LAMA2: variants seen among roughly 807,000 people sequenced by gnomAD.
LAMA2 encodes laminin subunit alpha-2.
A neutral mutation model predicts 364.8 loss-of-function variants in LAMA2; 269 were observed. The observed-to-expected ratio is 0.74, with a 90% CI of 0.67 to 0.82. The LOEUF is 0.82. LAMA2 is among the 40% of genes least tolerant of loss of function. The pLI is 0.00. For synonymous variants in LAMA2, 1,379 were observed against 1,370.6 expected (o/e 1.01, Z -0.14); for missense variants, 3,807 against 3,873.2 (o/e 0.98, Z 0.45).
chr6:129,043,982 G>A (rs1053852764), intron 1 of LAMA2, among the ~76,000 whole-genome samples: 4 of 152,080 alleles, frequency 2.6e-5, no homozygotes. Context: ...CCCTTTCTGT[G>A]GACCTCTCTT....
At chr6:129,388,812 C>T (rs1483425870) in intron 35 of LAMA2, among the ~76,000 whole-genome samples, 1 of 152,148 alleles carries the variant, frequency 6.6e-6, no homozygotes, top group Non-Finnish European at 1.5e-5. Context: ...TCAGTAGTTA[C>T]TTACATGCTA....
intron 20 of LAMA2, chr6:129,292,854 G>A (rs947692251): frequency 5.1e-6 from 5 of 985,784 alleles, no homozygotes; most frequent in Non-Finnish European, 4.8e-6. Context: ...ATGTGACTGC[G>A]ATCCCGTTGG....
intron 26 of LAMA2, 28 bp downstream of exon 26, chr6:129,315,978 G>T: frequency 1.2e-6 from 2 of 1,613,072 alleles, no homozygotes; most frequent in Non-Finnish European, 1.7e-6. Context: ...TTGGTGCAAA[G>T]ATACCAATCA....
At chr6:129,343,113 C>A (rs1776359283) in intron 30 of LAMA2, among the ~76,000 whole-genome samples, 1 of 152,024 alleles carries the variant, frequency 6.6e-6, no homozygotes, top group Non-Finnish European at 1.5e-5. Flanking sequence ...TTGATGAAAA[C>A]CCTAGGTGTT....
At chr6:129,208,519 GAAAA>G in intron 12 of LAMA2, among the ~76,000 whole-genome samples, 1 of 137,722 alleles carries the variant, frequency 7.3e-6, no homozygotes, top group Admixed American at 7.4e-5. Context: ...GGCAGAAAGA[GAAAA>G]AGAAAGAAAG....
At chr6:129,475,292 G>C (rs1466896417) in intron 52 of LAMA2, 98 bp from the exon 53 acceptor site, 4 of 760,730 alleles carry the variant, frequency 5.3e-6, no homozygotes, top group East Asian at 5.5e-5. Flanking sequence ...ATTTTTTAAA[G>C]ATTTATGATT....
chr6:128,987,549 G>A (rs111613655), intron 1 of LAMA2, among the ~76,000 whole-genome samples: 13 of 152,160 alleles, frequency 8.5e-5, no homozygotes, highest in African/African-American at 1.9e-4. Flanking sequence ...CCAATCCTAA[G>A]ATCAGCATGT....
intron 1 of LAMA2, among the ~76,000 whole-genome samples, chr6:128,953,229 C>T (rs189770366): frequency 1.3e-3 from 202 of 152,226 alleles, no homozygotes; most frequent in Non-Finnish European, 2.0e-3. Context: ...ATCACTGTCC[C>T]TCTAATTGAG....
intron 17 of LAMA2, among the ~76,000 whole-genome samples, chr6:129,272,140 T>C (rs1356789142): frequency 6.6e-6 from 1 of 152,206 alleles, no homozygotes; most frequent in East Asian, 1.9e-4. Flanking sequence ...TTTGGTATTA[T>C]TTCACCTTCA....
At chr6:129,489,051 C>G (rs766369100) in intron 56 of LAMA2, among the ~76,000 whole-genome samples, 2 of 152,354 alleles carry the variant, frequency 1.3e-5, no homozygotes, top group Non-Finnish European at 2.9e-5. Flanking sequence ...ATACCTCCAT[C>G]TATGCACAGC....
At chr6:129,460,456 T>A in intron 49 of LAMA2, 132 bp downstream of exon 49, 1 of 953,322 alleles carries the variant, frequency 1.0e-6, no homozygotes, top group Non-Finnish European at 1.7e-6. Flanking sequence ...GAGGTGGAAT[T>A]ACCACAAAAC....
chr6:128,933,976 C>T (rs890955292), intron 1 of LAMA2, among the ~76,000 whole-genome samples: 3 of 152,080 alleles, frequency 2.0e-5, no homozygotes, highest in African/African-American at 7.2e-5. Context: ...CTTTCATTGC[C>T]TGTGCTTCGG....
At chr6:129,076,425 TATATATATAA>T (rs1428798227) in intron 3 of LAMA2, among the ~76,000 whole-genome samples, 1 of 144,906 alleles carries the variant, frequency 6.9e-6, no homozygotes, top group Non-Finnish European at 1.5e-5. Context: ...TATGTGTGTA[TATATATATAA>T]ATATATATAA....
intron 1 of LAMA2, among the ~76,000 whole-genome samples, chr6:128,911,372 A>G (rs1777933523): frequency 1.3e-5 from 2 of 152,158 alleles, no homozygotes; most frequent in Admixed American, 1.3e-4. Flanking sequence ...GGAAAGGCGC[A>G]GTATTCGGGT....
At chr6:129,347,684 T>A (rs1265628533) in intron 30 of LAMA2, among the ~76,000 whole-genome samples, 3 of 152,136 alleles carry the variant, frequency 2.0e-5, no homozygotes, top group African/African-American at 7.2e-5. Flanking sequence ...AGCACAAGGA[T>A]TTCTGAGTAG....
chr6:129,497,674 T>C (rs1301624867), intron 58 of LAMA2, among the ~76,000 whole-genome samples: 1 of 152,198 alleles, frequency 6.6e-6, no homozygotes, highest in African/African-American at 2.4e-5. Flanking sequence ...TGCCCTTCTT[T>C]TTCTTCTTTA....
At chr6:129,509,897 A>G (rs1786431658) in intron 62 of LAMA2, among the ~76,000 whole-genome samples, 1 of 152,072 alleles carries the variant, frequency 6.6e-6, no homozygotes, top group Admixed American at 6.6e-5. Context: ...TGGTATTTTA[A>G]TAGGGATTAT....
chr6:129,342,123 C>T lies in LAMA2; in HGVS notation c.4312-220C>T, dbSNP rs140842795. On this transcript the variant is annotated intron_variant, in intron 29 of 64. Transcript: ENST00000421865. Reference sequence around the variant, plus strand: ...GCAACTCTTATTGTCAGTGTAGCTACGATAGCACAGTATTAGTTTCTCAAA... The same window carrying T: ...GCAACTCTTATTGTCAGTGTAGCTATGATAGCACAGTATTAGTTTCTCAAA... 3.7e-3 allele frequency among the ~76,000 whole-genome samples: 569 copies of T among 152,232 alleles called. 3 individuals carry two copies. Among genetic ancestry groups the T allele is most frequent in the African/African-American group, 0.012 (485 of 41,544 alleles).
intron 39 of LAMA2, among the ~76,000 whole-genome samples, chr6:129,403,261 ATTT>A (rs1780074131): frequency 2.6e-5 from 1 of 38,704 alleles, no homozygotes; most frequent in Non-Finnish European, 4.8e-5. Context: ...ATGAACTATC[ATTT>A]TATTTTATGT....
Sources: allele counts gnomAD v4.1 joint callset (sites outside exome capture counted in the v4.1 genomes callset), GRCh38; gene constraint gnomAD v4.1.1; transcripts MANE v1.5; gene names NCBI Gene and HGNC (gene_info 2026-07-23, HGNC 2026-07-21).